Variants in MTF2 observed in about 807,000 individuals in gnomAD.
The protein encoded by MTF2 is metal-response element-binding transcription factor 2.
Under a neutral mutation model 79.5 loss-of-function variants are expected in MTF2, and 11 were observed. The ratio of observed to expected loss-of-function variants is 0.14; its 90% confidence interval spans 0.09 to 0.23. The LOEUF (loss-of-function observed/expected upper bound fraction) is 0.23, where lower values mean the gene tolerates loss of function less well. MTF2 is among the 10% of genes least tolerant of loss of function. The pLI is 1.00. For missense variants in MTF2, 486 were observed against 711.2 expected (o/e 0.68, Z 3.60); for synonymous variants, 208 against 232.8 (o/e 0.89, Z 0.97).
At chr1:93,112,126 T>G (rs564320826) in intron 3 of MTF2, among the ~76,000 whole-genome samples, 17 of 152,218 alleles carry the variant, frequency 1.1e-4, no homozygotes, top group Non-Finnish European at 1.9e-4. Flanking sequence ...GTGGTTGTTC[T>G]TTCTTCACTG....
At chr1:93,126,712 T>C (rs1656710757) in intron 9 of MTF2, among the ~76,000 whole-genome samples, 2 of 152,084 alleles carry the variant, frequency 1.3e-5, no homozygotes, top group Non-Finnish European at 2.9e-5. Context: ...ATAATTGTTA[T>C]GAAAAGATCT....
At chr1:93,132,160 A>G (rs991056949) in intron 11 of MTF2, among the ~76,000 whole-genome samples, 1 of 152,218 alleles carries the variant, frequency 6.6e-6, no homozygotes, top group Non-Finnish European at 1.5e-5. Context: ...AGTTAAAGGT[A>G]TGGAATAGTC....
chr1:93,133,951 T>C lies in MTF2; in HGVS notation c.1290T>C (p.Asn430=). ...AGGATAAGGAATCAATTTCAGAGAATCCTACTTTGGATTTACCTTGTTCTA... is the reference window on the plus strand; with the variant it reads ...AGGATAAGGAATCAATTTCAGAGAACCCTACTTTGGATTTACCTTGTTCTA... ...PLLDKESISE[N]PTLDLPCSIG... The change falls in exon 13 of 15, where the codon AAT becomes AAC. Residue 430 remains asparagine, a synonymous_variant. Transcript: ENST00000370298. 1 of 1,580,954 alleles carries C rather than the reference T, an allele frequency of 6.3e-7. No individual in the cohort carries two copies. The highest frequency in any genetic ancestry group is 8.7e-7 in the Non-Finnish European group (1 of 1,153,302).
intron 1 of MTF2, among the ~76,000 whole-genome samples, chr1:93,094,990 A>G (rs1557543924): frequency 6.6e-6 from 1 of 152,172 alleles, no homozygotes; most frequent in Non-Finnish European, 1.5e-5. Context: ...GATGTACAGG[A>G]TAGGAGATGT....
At chr1:93,105,783 C>A (rs1419089405) in intron 1 of MTF2, among the ~76,000 whole-genome samples, 1 of 151,954 alleles carries the variant, frequency 6.6e-6, no homozygotes, top group African/African-American at 2.4e-5. Context: ...TCAAGCAGTT[C>A]TCCTGCCTCA....
chr1:93,092,937 C>G (rs988643956), intron 1 of MTF2, among the ~76,000 whole-genome samples: 4 of 152,090 alleles, frequency 2.6e-5, no homozygotes, highest in African/African-American at 9.7e-5. Flanking sequence ...AATCCCAGCA[C>G]TTTGGGAGGC....
At chr1:93,101,366 CTTTT>C (rs71586777) in intron 1 of MTF2, among the ~76,000 whole-genome samples, 4 of 108,608 alleles carry the variant, frequency 3.7e-5, no homozygotes, top group East Asian at 2.3e-4. Flanking sequence ...CTATCTTAAC[CTTTT>C]TTTTTTTTTT....
intron 1 of MTF2, among the ~76,000 whole-genome samples, chr1:93,101,678 C>A (rs1359549142): frequency 6.7e-6 from 1 of 149,714 alleles, no homozygotes; most frequent in African/African-American, 2.5e-5. Flanking sequence ...CCCAGGCTCA[C>A]GCAATTCTCC....
chr1:93,091,151 G>A (rs565928464), intron 1 of MTF2, among the ~76,000 whole-genome samples: 1 of 152,080 alleles, frequency 6.6e-6, no homozygotes, highest in African/African-American at 2.4e-5. Context: ...GTCAGTGCTC[G>A]TATGTGACGT....
At chr1:93,119,533 A>G (rs1656388755) in intron 8 of MTF2, 132 bp downstream of exon 8, 2 of 635,008 alleles carry the variant, frequency 3.1e-6, no homozygotes, top group Non-Finnish European at 2.7e-6. Context: ...TCTTTTATTT[A>G]TCCTCATGCC....
At chr1:93,088,471 A>G (rs1053077014) in intron 1 of MTF2, among the ~76,000 whole-genome samples, 1 of 152,182 alleles carries the variant, frequency 6.6e-6, no homozygotes, top group African/African-American at 2.4e-5. Flanking sequence ...ATTGGCTTTT[A>G]AAAAAATCAG....
At chr1:93,116,834 A>G (rs1401062874) in intron 6 of MTF2, among the ~76,000 whole-genome samples, 1 of 152,068 alleles carries the variant, frequency 6.6e-6, no homozygotes. Flanking sequence ...CCTAATTTCA[A>G]TATTGTGTCT....
intron 11 of MTF2, among the ~76,000 whole-genome samples, chr1:93,133,409 TTTG>T (rs977571829): frequency 2.6e-5 from 4 of 152,100 alleles, no homozygotes; most frequent in South Asian, 2.1e-4. Context: ...TTGTCTGGTT[TTTG>T]TTGTTGTTTT....
intron 11 of MTF2, among the ~76,000 whole-genome samples, chr1:93,133,031 T>C (rs1656985513): frequency 6.6e-6 from 1 of 150,850 alleles, no homozygotes; most frequent in African/African-American, 2.5e-5. Context: ...TGCACTTTTT[T>C]CCTTCCTATT....
Position 93,091,349 on chromosome 1 carries a change from T to G in MTF2, c.5+11818T>G, listed in dbSNP as rs1272336726. 2.1e-5 allele frequency among the ~76,000 whole-genome samples: 3 copies of G among 144,132 alleles called. No individual in the cohort carries two copies. The East Asian group carries it at 5.8e-4, about 28-fold the overall frequency. The allele number at this position is 144,132 out of a possible 152,430, so 94.6% of individuals were successfully genotyped here. On this transcript the variant is annotated intron_variant, in intron 1 of 14. Transcript: ENST00000370298. ...ACTTTTATAAAAAAGCATTTTAAATTTTGTATTTAAAACATTTTTAAAACA... is the reference window on the plus strand; with the variant it reads ...ACTTTTATAAAAAAGCATTTTAAATGTTGTATTTAAAACATTTTTAAAACA...
intron 1 of MTF2, among the ~76,000 whole-genome samples, chr1:93,084,064 T>C (rs1230491278): frequency 6.6e-6 from 1 of 152,096 alleles, no homozygotes; most frequent in Non-Finnish European, 1.5e-5. Context: ...TTCAATTTAT[T>C]CCTTTTTTTT....
rs575724864 is a variant in MTF2 at position 93,137,868 on chromosome 1, C to G, written c.*841C>G. 9 of 152,230 alleles carry G rather than the reference C, an allele frequency of 5.9e-5. No homozygotes were observed. Among genetic ancestry groups the G allele is most frequent in the African/African-American group, 2.2e-4 (9 of 41,540 alleles). 9.4% of individuals were successfully genotyped at this position (152,230 alleles called of 1,614,324 possible). ...ACAGTGTTCATGGGCTTTTAGAATGCTTTTCACTTTTAGTCCTTGTAACTC... is the reference window on the plus strand; with the variant it reads ...ACAGTGTTCATGGGCTTTTAGAATGGTTTTCACTTTTAGTCCTTGTAACTC... On this transcript the variant is annotated 3_prime_UTR_variant, in exon 15 of 15. Transcript: ENST00000370298.
At chr1:93,128,973 A>T (rs1656814026) in intron 10 of MTF2, 1 of 194,010 alleles carries the variant, frequency 5.2e-6, no homozygotes, top group Non-Finnish European at 1.0e-5. Context: ...GGGAAAGCAT[A>T]TTGGGACCAA....
intron 14 of MTF2, 148 bp from the exon 15 acceptor site, chr1:93,136,522 A>G (rs1647405558): frequency 3.0e-6 from 2 of 674,312 alleles, no homozygotes; most frequent in South Asian, 4.1e-5. Flanking sequence ...TAGTCCATTT[A>G]TATAGCATTT....
Sources: allele counts gnomAD v4.1 joint callset (sites outside exome capture counted in the v4.1 genomes callset), GRCh38; gene constraint gnomAD v4.1.1; transcripts MANE v1.5; gene names NCBI Gene and HGNC (gene_info 2026-07-23, HGNC 2026-07-21).